Variants in FBXO31 observed in about 807,000 individuals in gnomAD.
The protein encoded by FBXO31 is F-box only protein 31.
Under a neutral mutation model 54.4 loss-of-function variants are expected in FBXO31, and 24 were observed. The ratio of observed to expected loss-of-function variants is 0.44; its 90% CI spans 0.32 to 0.62. The LOEUF (loss-of-function observed/expected upper bound fraction) is 0.62, where lower values mean the gene tolerates loss of function less well. Ranked by LOEUF, FBXO31 falls within the 20% of genes least tolerant of loss-of-function variation. The pLI is 0.05. For missense variants in FBXO31, 665 were observed against 787.1 expected (o/e 0.84, Z 1.86); for synonymous variants, 388 against 335.6 (o/e 1.16, Z -1.71).
At chr16:87,363,457 T>A (rs1041749931) in intron 1 of FBXO31, among the ~76,000 whole-genome samples, 7 of 152,142 alleles carry the variant, frequency 4.6e-5, no homozygotes, top group Admixed American at 2.6e-4. Flanking sequence ...GCCTCCTGGG[T>A]GACCTGGGGC....
chr16:87,381,629 CT>C (rs1907081322), intron 1 of FBXO31, among the ~76,000 whole-genome samples: 1 of 152,234 alleles, frequency 6.6e-6, no homozygotes, highest in Non-Finnish European at 1.5e-5. Context: ...AAGGGTTCTT[CT>C]CATGCAGACC....
At position 87,335,613 on chromosome 16, in the gene FBXO31, G is replaced by A. The variant is rs116579370; in HGVS notation, c.843-156C>T. 2.6e-3 allele frequency among the ~76,000 whole-genome samples: 389 copies of A among 152,274 alleles called. 1 individual carries two copies. Among genetic ancestry groups the A allele is most frequent in the African/African-American group, 9.1e-3 (380 of 41,558 alleles). Reference sequence around the variant, plus strand: ...CCACCAGGCCTGTGGGCAGCAATGCGCCCAGGGGAGCCCTCACCCCCACCA... The same window carrying A: ...CCACCAGGCCTGTGGGCAGCAATGCACCCAGGGGAGCCCTCACCCCCACCA... On this transcript the variant is annotated intron_variant, in intron 6 of 8. Coordinates refer to ENST00000311635, the MANE Select transcript of FBXO31 (RefSeq NM_024735.5). The surrounding 1 kb of genome is among the most constrained non-coding windows in gnomAD (Gnocchi z 5.7).
At chr16:87,356,102 G>T (rs956769926) in intron 2 of FBXO31, among the ~76,000 whole-genome samples, 2 of 151,876 alleles carry the variant, frequency 1.3e-5, no homozygotes, top group Non-Finnish European at 2.9e-5. Context: ...GGTGGCAGGC[G>T]CCTGGAGTCC....
intron 1 of FBXO31, among the ~76,000 whole-genome samples, chr16:87,362,041 G>C (rs1010120369): frequency 6.7e-6 from 1 of 149,838 alleles, no homozygotes; most frequent in Non-Finnish European, 1.5e-5. Context: ...GCGAGGAGAC[G>C]CATTTTAGTT....
At chr16:87,376,842 T>C (rs1480457212) in intron 1 of FBXO31, among the ~76,000 whole-genome samples, 1 of 152,252 alleles carries the variant, frequency 6.6e-6, no homozygotes, top group Non-Finnish European at 1.5e-5. Context: ...CCCTTGGCCT[T>C]ATCAGTATCC....
chr16:87,371,651 G>A (rs549753154), intron 1 of FBXO31, among the ~76,000 whole-genome samples: 10 of 152,380 alleles, frequency 6.6e-5, no homozygotes, highest in South Asian at 2.1e-4. Context: ...GAGGACACTC[G>A]TTCCCCTGCA....
rs965789554 is a variant in FBXO31 at position 87,327,867 on chromosome 16, G to C, written c.*3421C>G. On this transcript the variant is annotated 3_prime_UTR_variant, in exon 9 of 9. Transcript: ENST00000311635. ...GTTCTATGAGCACATTCCCGTAAGTGTTCTTAAAAGTTACACCACGAAGGC... is the reference window on the plus strand; with the variant it reads ...GTTCTATGAGCACATTCCCGTAAGTCTTCTTAAAAGTTACACCACGAAGGC... 2.6e-5 allele frequency: 4 copies of C among 152,114 alleles called. No homozygotes were observed. Among genetic ancestry groups the C allele is most frequent in the Admixed American group, 6.6e-5 (1 of 15,256 alleles). 9.4% of individuals were successfully genotyped at this position (152,114 alleles called of 1,614,324 possible). A position where few individuals can be genotyped will look rare whatever the true frequency, so the allele number is the denominator to read the frequency against.
upstream of FBXO31, among the ~76,000 whole-genome samples, chr16:87,385,564 A>G (rs1351132030): frequency 6.6e-6 from 1 of 152,256 alleles, no homozygotes; most frequent in Admixed American, 6.5e-5. Context: ...ATAAATTGTA[A>G]TGCTCTAACA....
rs1474498459 is a variant in FBXO31, at chr16:87,335,547, C to T, written c.843-90G>A. 1.7e-5 allele frequency: 7 copies of T among 416,590 alleles called. No homozygotes were observed. Among genetic ancestry groups the T allele is most frequent in the South Asian group, 3.7e-5 (2 of 54,388 alleles). The allele number at this position is 416,590 out of a possible 1,614,324, so 25.8% of individuals were successfully genotyped here. ...GGTGCCAGGGATGAGCTTTGCAGGG[C>T]GGGGTAGGGCGGGCAGCTCAGCTCA... On this transcript the variant is annotated intron_variant, in intron 6 of 8. Transcript: ENST00000311635. This position sits in a 1 kb window ranked among gnomAD's most constrained non-coding sequence, Gnocchi z 5.7.
intron 1 of FBXO31, among the ~76,000 whole-genome samples, chr16:87,366,741 C>T (rs1397723441): frequency 6.6e-6 from 1 of 152,134 alleles, no homozygotes; most frequent in Non-Finnish European, 1.5e-5. Flanking sequence ...TGGGCTGCTA[C>T]ATGGAGAGAG....
intron 1 of FBXO31, among the ~76,000 whole-genome samples, chr16:87,375,788 T>C (rs1305542827): frequency 6.6e-6 from 1 of 152,142 alleles, no homozygotes; most frequent in South Asian, 2.1e-4. Context: ...GAGCCCTTAT[T>C]TGTGATCTGC....
intron 8 of FBXO31, 95 bp from the exon 9 acceptor site, chr16:87,331,605 G>C (rs777977621): frequency 9.6e-7 from 1 of 1,044,650 alleles, no homozygotes; most frequent in Non-Finnish European, 1.4e-6. Flanking sequence ...TGTGCCGCAA[G>C]AGCCACATCC....
At chr16:87,337,824 T>G (rs1905078948) in intron 5 of FBXO31, among the ~76,000 whole-genome samples, 1 of 123,024 alleles carries the variant, frequency 8.1e-6, no homozygotes, top group Non-Finnish European at 1.8e-5. Flanking sequence ...CAAACTTCTA[T>G]TAAAAAAAAA....
chr16:87,336,453 G>A lies in FBXO31; in HGVS notation c.733-189C>T, dbSNP rs1050533555. On this transcript the variant is annotated intron_variant, in intron 5 of 8. Coordinates refer to ENST00000311635, the MANE Select transcript of FBXO31 (RefSeq NM_024735.5). The surrounding 1 kb of genome is among the most constrained non-coding windows in gnomAD (Gnocchi z 6.5). ...GGGGAGCTGCCGGATTTGACCCCAC[G>A]TCAGAGGTGCCTGCCAACAAAAAGT... Among the ~76,000 whole-genome samples the A allele has an allele frequency of 1.3e-5, 2 of 152,170 alleles. No individual in the cohort carries two copies. The highest frequency in any genetic ancestry group is 2.9e-5 in the Non-Finnish European group (2 of 68,024).
chr16:87,346,050 G>T lies in FBXO31; in HGVS notation c.489+1124C>A, dbSNP rs567117717. Among the ~76,000 whole-genome samples, 1 of 152,252 alleles carries T rather than the reference G, an allele frequency of 6.6e-6. No homozygotes were observed. Among genetic ancestry groups the T allele is most frequent in the East Asian group, 1.9e-4 (1 of 5,182 alleles). On this transcript the variant is annotated intron_variant, in intron 3 of 8. Transcript: ENST00000311635. This position sits in a 1 kb window ranked among gnomAD's most constrained non-coding sequence, Gnocchi z 4.2. Reference sequence around the variant, plus strand: ...GAGAGGAGAAGGGGCCAAGCGAAGCGTGACTCACAAAGCCAGGAAGAGAAA... The same window carrying T: ...GAGAGGAGAAGGGGCCAAGCGAAGCTTGACTCACAAAGCCAGGAAGAGAAA...
chr16:87,386,469 G>A (rs749342791), upstream of FBXO31, among the ~76,000 whole-genome samples: 12 of 152,214 alleles, frequency 7.9e-5, no homozygotes, highest in Admixed American at 7.9e-4. Context: ...GTCTCACTCT[G>A]TCACCCAGGC....
In FBXO31 at chr16:87,347,128, C is replaced by G. The variant is rs1396598763; in HGVS notation, c.489+46G>C. On this transcript the variant is annotated intron_variant, in intron 3 of 8. Transcript: ENST00000311635. ...CCTCAAATTCCTCCACGTAAGGCAC[C>G]ACTCCTGCCCGTGCACAGACCTCGT... The G allele has an allele frequency of 3.9e-6, 6 of 1,544,122 alleles. 1 individual carries two copies. The South Asian group carries it at 6.7e-5, about 17-fold the overall frequency.
intron 8 of FBXO31, among the ~76,000 whole-genome samples, chr16:87,332,647 G>A (rs1032166302): frequency 6.6e-6 from 1 of 151,094 alleles, no homozygotes; most frequent in Non-Finnish European, 1.5e-5. Flanking sequence ...TCCGGGAGCT[G>A]GAACTGTGGC....
At chr16:87,391,901 G>A (rs932491156), upstream of FBXO31, 4 of 152,490 alleles carry the variant, frequency 2.6e-5, no homozygotes, top group Non-Finnish European at 5.9e-5. Context: ...AGTCTCTCTG[G>A]AGGGGAAAGG....
Sources: allele counts gnomAD v4.1 joint callset (sites outside exome capture counted in the v4.1 genomes callset), GRCh38; gene constraint gnomAD v4.1.1; non-coding constraint Gnocchi (gnomAD v3.1); transcripts MANE v1.5; gene names NCBI Gene and HGNC (gene_info 2026-07-23, HGNC 2026-07-21).